GRIK4: variants seen among roughly 807,000 people sequenced by gnomAD.
GRIK4 encodes glutamate receptor ionotropic, kainate 4.
A neutral mutation model predicts 104.9 loss-of-function variants in GRIK4; 40 were observed. That is an observed-to-expected ratio of 0.38 (90% CI 0.30 to 0.50). The LOEUF (loss-of-function observed/expected upper bound fraction) is 0.50, where lower values mean the gene tolerates loss of function less well. Among genes scored for constraint, GRIK4 ranks in the 20% least tolerant of loss-of-function variants. The probability of loss-of-function intolerance (pLI) is 0.93; values close to 1 mark genes in which losing one functional copy is unlikely to be tolerated. For synonymous variants in GRIK4, 485 were observed against 524.9 expected (o/e 0.92, Z 1.04); for missense variants, 1,047 against 1,308.1 (o/e 0.80, Z 3.08).
intron 3 of GRIK4, among the ~76,000 whole-genome samples, chr11:120,711,214 C>T (rs1277474243): frequency 2.6e-5 from 4 of 152,212 alleles, no homozygotes; most frequent in South Asian, 4.1e-4. Context: ...TAAATGAAAG[C>T]GAGTTATAAA....
chr11:120,878,710 A>G (rs1039645445), intron 11 of GRIK4, among the ~76,000 whole-genome samples: 1 of 148,750 alleles, frequency 6.7e-6, no homozygotes, highest in Non-Finnish European at 1.5e-5. Context: ...TGCGTGATGT[A>G]TCAGGGACAC....
In GRIK4 at chr11:120,645,480, A is replaced by G. The variant is rs138111629; in HGVS notation, c.-158-8205A>G. Among the ~76,000 whole-genome samples the G allele has an allele frequency of 7.6e-3, 1,152 of 152,318 alleles. 8 individuals carry two copies. Among genetic ancestry groups the G allele is most frequent in the Non-Finnish European group, 0.014 (923 of 68,028 alleles). ...CTCCATGCCACCACTGCCTATACTG[A>G]CCTTGGTGAGCCCATCATCTACTCC... On this transcript the variant is annotated intron_variant, in intron 1 of 20. Transcript: ENST00000527524.
At chr11:120,865,192 T>C (rs1292834748) in intron 9 of GRIK4, among the ~76,000 whole-genome samples, 1 of 151,124 alleles carries the variant, frequency 6.6e-6, no homozygotes, top group Non-Finnish European at 1.5e-5. Flanking sequence ...AATATGCATA[T>C]ACGATTCTAT....
chr11:120,774,814 G>A (rs1248421569), intron 3 of GRIK4, among the ~76,000 whole-genome samples: 2 of 152,194 alleles, frequency 1.3e-5, no homozygotes, highest in African/African-American at 4.8e-5. Context: ...GGTTAAGTCC[G>A]TTGACAAGGC....
chr11:120,613,907 T>C (rs1949071126), intron 1 of GRIK4, among the ~76,000 whole-genome samples: 1 of 152,180 alleles, frequency 6.6e-6, no homozygotes, highest in South Asian at 2.1e-4. Context: ...TACTATAGCC[T>C]AGAAAAGAGG....
chr11:120,713,849 C>T (rs1950781827), intron 3 of GRIK4, among the ~76,000 whole-genome samples: 1 of 152,116 alleles, frequency 6.6e-6, no homozygotes, highest in Non-Finnish European at 1.5e-5. Context: ...AAGGAAGGCT[C>T]AATTCTCCAT....
intron 3 of GRIK4, among the ~76,000 whole-genome samples, chr11:120,679,412 C>T (rs1295149276): frequency 1.3e-5 from 2 of 152,252 alleles, no homozygotes; most frequent in African/African-American, 4.8e-5. Context: ...GAGAATGCAG[C>T]TCTTGGCTTC....
intron 1 of GRIK4, among the ~76,000 whole-genome samples, chr11:120,610,312 A>T (rs1169608836): frequency 6.6e-6 from 1 of 152,236 alleles, no homozygotes; most frequent in African/African-American, 2.4e-5. Context: ...AGGGGTGATT[A>T]ATATGTTGTA....
chr11:120,523,926 C>CTT (rs35679853), intron 1 of GRIK4, among the ~76,000 whole-genome samples: 154 of 141,628 alleles, frequency 1.1e-3, no homozygotes, highest in South Asian at 4.8e-3. Flanking sequence ...CTTCTGCATT[C>CTT]TTTTTTTTTT....
chr11:120,774,786 G>A (rs566505029), intron 3 of GRIK4, among the ~76,000 whole-genome samples: 262 of 152,312 alleles, frequency 1.7e-3, no homozygotes, highest in African/African-American at 5.9e-3. Flanking sequence ...AGAGGAGTGG[G>A]GACTCTGAGC....
At chr11:120,560,113 G>A (rs1230665961) in intron 1 of GRIK4, among the ~76,000 whole-genome samples, 3 of 151,796 alleles carry the variant, frequency 2.0e-5, no homozygotes, top group African/African-American at 4.8e-5. Flanking sequence ...GCAGTGTTGC[G>A]ATCTTGGATC....
chr11:120,724,254 T>C (rs1254320047), intron 3 of GRIK4, among the ~76,000 whole-genome samples: 1 of 152,156 alleles, frequency 6.6e-6, no homozygotes, highest in Non-Finnish European at 1.5e-5. Flanking sequence ...GCTCAAGCGA[T>C]CCTCCTTACT....
intron 3 of GRIK4, among the ~76,000 whole-genome samples, chr11:120,671,536 A>G (rs974387876): frequency 8.6e-5 from 13 of 152,012 alleles, no homozygotes; most frequent in Non-Finnish European, 1.8e-4. Context: ...CTTTTGCAAT[A>G]TGTCTGTTCA....
At chr11:120,798,243 A>C (rs903713108) in intron 3 of GRIK4, among the ~76,000 whole-genome samples, 2 of 132,258 alleles carry the variant, frequency 1.5e-5, no homozygotes, top group Non-Finnish European at 3.0e-5. Flanking sequence ...ATCTCGGCTC[A>C]CTGCAACCTC....
chr11:120,529,041 C>G (rs369287957), intron 1 of GRIK4, among the ~76,000 whole-genome samples: 1 of 152,094 alleles, frequency 6.6e-6, no homozygotes, highest in Non-Finnish European at 1.5e-5. Flanking sequence ...CTCCTTCCAC[C>G]TCCTCTCCTT....
chr11:120,631,243 C>G (rs1949329322), intron 1 of GRIK4, among the ~76,000 whole-genome samples: 1 of 152,228 alleles, frequency 6.6e-6, no homozygotes, highest in South Asian at 2.1e-4. Context: ...AGTGTTGGCT[C>G]TGCAGCTCAA....
rs771630530 is a variant in GRIK4 at position 120,874,155 on chromosome 11, C to T, written c.996C>T (p.Pro332=). The change falls in exon 10 of 21, where the codon CCC becomes CCT. Residue 332 remains proline, a synonymous_variant. Transcript: ENST00000527524. ...LNRSQEIGVK[P]LSCGSAQIWQ... is the part of the protein sequence containing the mutation. ...GGAGCCAAGAGATCGGCGTGAAGCC[C>T]TTGTCCTGCGGCTCGGCCCAGATCT... 3.1e-6 allele frequency: 5 copies of T among 1,613,944 alleles called. No homozygotes were observed. The South Asian group carries it at 5.5e-5, about 18-fold the overall frequency.
intron 3 of GRIK4, among the ~76,000 whole-genome samples, chr11:120,735,143 A>G (rs185385454): frequency 9.9e-4 from 151 of 152,206 alleles, no homozygotes; most frequent in African/African-American, 3.4e-3. Flanking sequence ...ATGTTTGTCA[A>G]TGTTGGGCAT....
Position 120,519,047 on chromosome 11 carries a change from G to A in GRIK4, c.-159+7160G>A, listed in dbSNP as rs191481385. 2.5e-3 allele frequency among the ~76,000 whole-genome samples: 376 copies of A among 152,330 alleles called. 4 individuals carry two copies. The highest frequency in any genetic ancestry group is 8.6e-3 in the African/African-American group (359 of 41,576). On this transcript the variant is annotated intron_variant, in intron 1 of 20. Coordinates refer to ENST00000527524, the MANE Select transcript of GRIK4 (RefSeq NM_014619.5). ...AAAATCGGTCTAGAACTAAGCAGGC[G>A]GATGATTTTGATTCTTTAAGGCACT...
Sources: allele counts gnomAD v4.1 joint callset (sites outside exome capture counted in the v4.1 genomes callset), GRCh38; gene constraint gnomAD v4.1.1; transcripts MANE v1.5; gene names NCBI Gene and HGNC (gene_info 2026-07-23, HGNC 2026-07-21).